ATP6V0D2: variants seen among roughly 807,000 people sequenced by gnomAD.
The protein encoded by ATP6V0D2 is ATPase H+ transporting V0 subunit d2, also known as V-type proton ATPase subunit d 2.
In ATP6V0D2, 40 loss-of-function variants were observed where a neutral mutation model predicts 40.0. The ratio of observed to expected loss-of-function variants is 1.00; its 90% CI spans 0.78 to 1.30. ATP6V0D2 has a LOEUF of 1.30. Ranked by LOEUF, ATP6V0D2 falls within the 50% of genes most tolerant of loss-of-function variation. ATP6V0D2 has a pLI of 0.00. For synonymous variants in ATP6V0D2, 179 were observed against 156.3 expected (o/e 1.15, Z -1.08); for missense variants, 470 against 423.1 (o/e 1.11, Z -0.97).
intron 7 of ATP6V0D2, among the ~76,000 whole-genome samples, chr8:86,151,773 T>TA (rs56183725): frequency 7.1e-6 from 1 of 141,582 alleles, no homozygotes; most frequent in East Asian, 2.0e-4. Context: ...TTTTTTTTTT[T>TA]ATACCCTCCT....
chr8:86,139,441 T>C lies in ATP6V0D2; in HGVS notation c.303-16T>C. 3.1e-6 allele frequency: 5 copies of C among 1,587,646 alleles called. No individual in the cohort carries two copies. ...TTGCAGCTGTCCTCTAATGATTGAG[T>C]TGTCTTCTGAACCAGGTGCAGTTAT... On this transcript the variant is annotated splice_polypyrimidine_tract_variant and intron_variant, in intron 2 of 7. Coordinates refer to ENST00000285393, the MANE Select transcript of ATP6V0D2 (RefSeq NM_152565.1).
intron 2 of ATP6V0D2, 134 bp from the exon 3 acceptor site, chr8:86,139,322 GT>G (rs1818941328): frequency 3.1e-6 from 2 of 651,748 alleles, no homozygotes; most frequent in South Asian, 6.1e-5. Context: ...AAACCCCAGT[GT>G]TTAAAATAAA....
At chr8:86,105,629 T>TTTG (rs1241812726) in intron 1 of ATP6V0D2, among the ~76,000 whole-genome samples, 2 of 146,664 alleles carry the variant, frequency 1.4e-5, no homozygotes, top group African/African-American at 2.5e-5. Context: ...TTCTTTTTTT[T>TTTG]TTTTTTTGAG....
chr8:86,152,806 C>G lies in ATP6V0D2; in HGVS notation c.892-10C>G. 6.3e-7 allele frequency: 1 copy of G among 1,577,466 alleles called. No homozygotes were observed. Among genetic ancestry groups the G allele is most frequent in the Non-Finnish European group, 8.6e-7 (1 of 1,167,480 alleles). On this transcript the variant is annotated splice_polypyrimidine_tract_variant and intron_variant, in intron 7 of 7. Transcript: ENST00000285393. ...GTTGATGATCTGTGTTACTTTTTTT[C>G]TTTCCTCAGGTACAAATGAATGTGC...
intron 2 of ATP6V0D2, among the ~76,000 whole-genome samples, chr8:86,117,512 T>C (rs1818605301): frequency 6.6e-6 from 1 of 152,240 alleles, no homozygotes; most frequent in Non-Finnish European, 1.5e-5. Flanking sequence ...TGGATATACC[T>C]GAGGCATGAC....
chr8:86,142,997 T>C (rs1301317698), intron 5 of ATP6V0D2, 43 bp downstream of exon 5: 2 of 1,350,774 alleles, frequency 1.5e-6, no homozygotes, highest in South Asian at 2.5e-5. Context: ...AATAAGGTGC[T>C]TACATATTTT....
At chr8:86,119,259 G>A (rs1217650481) in intron 2 of ATP6V0D2, among the ~76,000 whole-genome samples, 2 of 144,738 alleles carry the variant, frequency 1.4e-5, no homozygotes, top group Non-Finnish European at 3.0e-5. Flanking sequence ...TTGAGATGGA[G>A]TCACTCTCAC....
chr8:86,141,467 T>C lies in ATP6V0D2; in HGVS notation c.499T>C (p.Cys167Arg), dbSNP rs202091383. 3 of 1,611,104 alleles carry C rather than the reference T, an allele frequency of 1.9e-6. No individual in the cohort carries two copies. Among genetic ancestry groups the C allele is most frequent in the Middle Eastern group, 1.7e-4 (1 of 6,044 alleles). Reference protein sequence around the residue: ...ETPLAPFFQDCMSENALDELN... With the variant: ...ETPLAPFFQDRMSENALDELN... Reference sequence around the variant, plus strand: ...GCTTTCAGCTCCATTCTTCCAAGACTGCATGTCTGAAAATGCTCTAGATGA... The same window carrying C: ...GCTTTCAGCTCCATTCTTCCAAGACCGCATGTCTGAAAATGCTCTAGATGA... Residue 167 changes from cysteine (C) to arginine (R), a missense_variant, in exon 4 of 8, where the codon TGC becomes CGC. Cys to Arg is a radical substitution (Grantham distance 180). Transcript: ENST00000285393.
intron 2 of ATP6V0D2, among the ~76,000 whole-genome samples, chr8:86,125,774 A>T (rs1412216326): frequency 6.6e-6 from 1 of 152,124 alleles, no homozygotes; most frequent in Non-Finnish European, 1.5e-5. Context: ...ATAAATATGC[A>T]TAGTTGGGCT....
chr8:86,119,257 G>A (rs1256489686), intron 2 of ATP6V0D2, among the ~76,000 whole-genome samples: 1 of 121,568 alleles, frequency 8.2e-6, no homozygotes, highest in East Asian at 2.4e-4. Context: ...TTTTGAGATG[G>A]AGTCACTCTC....
intron 1 of ATP6V0D2, among the ~76,000 whole-genome samples, chr8:86,105,766 C>G (rs1681634759): frequency 6.6e-6 from 1 of 151,846 alleles, no homozygotes; most frequent in Admixed American, 6.6e-5. Context: ...AGGCACCCAC[C>G]ACCACGCCCG....
chr8:86,114,057 GA>G (rs1818563493), intron 2 of ATP6V0D2, among the ~76,000 whole-genome samples, 177 bp downstream of exon 2: 1 of 151,972 alleles, frequency 6.6e-6, no homozygotes, highest in Non-Finnish European at 1.5e-5. Context: ...TTTTGCATTA[GA>G]AAATGGATTT....
intron 2 of ATP6V0D2, among the ~76,000 whole-genome samples, chr8:86,121,765 C>T (rs545601928): frequency 6.6e-6 from 1 of 152,272 alleles, no homozygotes; most frequent in African/African-American, 2.4e-5. Flanking sequence ...GTCTCTCTAG[C>T]ACCCATGAAA....
At chr8:86,125,575 C>G (rs1190908386) in intron 2 of ATP6V0D2, among the ~76,000 whole-genome samples, 5 of 152,226 alleles carry the variant, frequency 3.3e-5, no homozygotes, top group African/African-American at 7.2e-5. Context: ...CACAGCAACC[C>G]TATGGAGTGG....
At chr8:86,112,739 G>A (rs1818540723) in intron 1 of ATP6V0D2, among the ~76,000 whole-genome samples, 1 of 152,094 alleles carries the variant, frequency 6.6e-6, no homozygotes, top group African/African-American at 2.4e-5. Flanking sequence ...GTTTGTTCAG[G>A]AGGAAGTGAC....
chr8:86,136,405 G>A (rs985196925), intron 2 of ATP6V0D2, among the ~76,000 whole-genome samples: 1 of 152,090 alleles, frequency 6.6e-6, no homozygotes, highest in Non-Finnish European at 1.5e-5. Flanking sequence ...CTTTTACATT[G>A]CAGGGGAGGT....
Position 86,153,054 on chromosome 8 carries a change from T to A in ATP6V0D2, c.*77T>A, listed in dbSNP as rs780274242. The A allele has an allele frequency of 3.4e-5, 44 of 1,296,608 alleles. No individual in the cohort carries two copies. Among genetic ancestry groups the A allele is most frequent in the Non-Finnish European group, 4.1e-5 (40 of 967,466 alleles). The allele number at this position is 1,296,608 out of a possible 1,614,324, so 80.3% of individuals were successfully genotyped here. Reference sequence around the variant, plus strand: ...TTGAAGAAAATAAAAGAAATTATGTTATATTATCTAGACTACACAAAAGTA... The same window carrying A: ...TTGAAGAAAATAAAAGAAATTATGTAATATTATCTAGACTACACAAAAGTA... On this transcript the variant is annotated 3_prime_UTR_variant, in exon 8 of 8. Coordinates refer to ENST00000285393, the MANE Select transcript of ATP6V0D2 (RefSeq NM_152565.1).
At chr8:86,111,666 T>C (rs572354801) in intron 1 of ATP6V0D2, among the ~76,000 whole-genome samples, 30 of 152,292 alleles carry the variant, frequency 2.0e-4, no homozygotes, top group African/African-American at 6.7e-4. Flanking sequence ...ACTTAATACT[T>C]CAGCAACACT....
Position 86,152,888 on chromosome 8 carries a change from G to A in ATP6V0D2, c.964G>A (p.Glu322Lys). 1 of 1,612,602 alleles carries A rather than the reference G, an allele frequency of 6.2e-7. No individual in the cohort carries two copies. The change falls in exon 8 of 8, where the codon GAA becomes AAA. Residue 322 changes from glutamate (E) to lysine (K), a missense_variant. Glu to Lys is a moderately conservative substitution (Grantham distance 56, BLOSUM62 1). Transcript: ENST00000285393. ...GVFYAYVKLK[E>K]QEIRNIVWIA... The stretch of plus-strand genomic sequence containing the variant: ...GTTTTATGCATATGTAAAGCTGAAG[G>A]AACAGGAAATTAGAAATATTGTGTG...
Sources: allele counts gnomAD v4.1 joint callset (sites outside exome capture counted in the v4.1 genomes callset), GRCh38; gene constraint gnomAD v4.1.1; transcripts MANE v1.5; gene names NCBI Gene and HGNC (gene_info 2026-07-23, HGNC 2026-07-21).